The following TLE5 variants were observed in gnomAD, a reference collection of about 807,000 sequenced individuals.
TLE5 encodes TLE family member 5.
Under a neutral mutation model 25.8 loss-of-function variants are expected in TLE5, and 7 were observed. The ratio of observed to expected loss-of-function variants is 0.27; its 90% CI spans 0.15 to 0.51. TLE5 has a LOEUF of 0.51. Ranked by LOEUF, TLE5 falls within the 20% of genes least tolerant of loss-of-function variation. TLE5 has a pLI of 0.97. For synonymous variants in TLE5, 132 were observed against 110.5 expected, an observed-to-expected ratio of 1.20 and a Z score of -1.22; for missense variants, 149 against 250.7, an observed-to-expected ratio of 0.59 and a Z score of 2.74.
In TLE5 at chr19:3,053,811, G is replaced by A. The variant is rs773722139; in HGVS notation, c.*8C>T. ...CCCCCCTCCCAACCTCCCTGTCCCG[G>A]CCCCCTGCTAATCCGACTTCTCGCC... On this transcript the variant is annotated 3_prime_UTR_variant, in exon 7 of 7. Coordinates refer to ENST00000327141, the MANE Select transcript of TLE5 (RefSeq NM_001130.6). 30 of 1,612,150 alleles carry A rather than the reference G, an allele frequency of 1.9e-5. No homozygotes were observed. The East Asian group carries it at 6.0e-4, about 32-fold the overall frequency.
At chr19:3,061,886 T>TG (rs376264879) in intron 1 of TLE5, among the ~76,000 whole-genome samples, 9,423 of 59,678 alleles carry the variant, frequency 0.16, 776 homozygotes, top group Middle Eastern at 0.21. Context: ...CCCGGCGGGT[T>TG]GGGGGGGGGG....
intron 3 of TLE5, 23 bp downstream of exon 3, chr19:3,057,656 A>T: frequency 6.2e-7 from 1 of 1,609,992 alleles, no homozygotes; most frequent in South Asian, 1.1e-5. Flanking sequence ...CCAACACTGG[A>T]CCTGGGGGCG....
chr19:3,057,109 C>G (rs1246031739), intron 3 of TLE5, among the ~76,000 whole-genome samples: 2 of 152,198 alleles, frequency 1.3e-5, no homozygotes, highest in Non-Finnish European at 2.9e-5. Context: ...GAGACCCCAG[C>G]ATCGCTGCTC....
At chr19:3,060,335 T>C (rs952236524) in intron 2 of TLE5, among the ~76,000 whole-genome samples, 60 of 138,988 alleles carry the variant, frequency 4.3e-4, no homozygotes, top group Admixed American at 2.3e-3. Context: ...TTTCTTTTTT[T>C]TTTTTTTTTT....
chr19:3,061,071 A>C (rs1021458678), intron 2 of TLE5, 89 bp downstream of exon 2: 11 of 952,784 alleles, frequency 1.2e-5, no homozygotes, highest in Non-Finnish European at 1.7e-5. Flanking sequence ...TATTTTCCCA[A>C]TCTCCAGGCC....
At chr19:3,062,966 A>T, upstream of TLE5, 18 of 569,878 alleles carry the variant, frequency 3.2e-5, no homozygotes, top group East Asian at 1.9e-4. Context: ...CCGCTGCTCC[A>T]GGGCCCTGGG....
chr19:3,062,638 G>A (rs2090282304), upstream of TLE5: 2 of 1,194,894 alleles, frequency 1.7e-6, no homozygotes, highest in East Asian at 3.5e-5. Context: ...CCCGCCCGCC[G>A]CGGTGACCTT....
At chr19:3,058,597 C>T (rs1392012396) in intron 2 of TLE5, among the ~76,000 whole-genome samples, 4 of 152,274 alleles carry the variant, frequency 2.6e-5, no homozygotes, top group East Asian at 1.9e-4. Flanking sequence ...TGGGACAAAA[C>T]ACACCATTTC....
intron 5 of TLE5, 127 bp downstream of exon 5, chr19:3,055,537 G>T: frequency 2.7e-6 from 2 of 736,754 alleles, no homozygotes; most frequent in South Asian, 5.0e-5. Flanking sequence ...TCAGAGCCAG[G>T]GAGGTCCAGA....
In TLE5 at chr19:3,057,797, C is replaced by T. The variant is rs2090233185; in HGVS notation, c.126-55G>A. The T allele has an allele frequency of 2.9e-5, 44 of 1,539,844 alleles. No individual in the cohort carries two copies. The South Asian group carries it at 4.7e-4, about 17-fold the overall frequency. ...GTTAGTGGCGGCTGGGCGGGAGCCC[C>T]CCACCCTCCGTTATCCAGGGGAGGA... On this transcript the variant is annotated intron_variant, in intron 2 of 6. Coordinates refer to ENST00000327141, the MANE Select transcript of TLE5 (RefSeq NM_001130.6).
intron 2 of TLE5, among the ~76,000 whole-genome samples, chr19:3,059,247 T>A (rs541354020): frequency 1.3e-5 from 2 of 151,896 alleles, no homozygotes; most frequent in East Asian, 3.9e-4. Context: ...CGGGGCTGGG[T>A]GCAGTGGCTC....
At chr19:3,062,510 T>C (rs1363297004), upstream of TLE5, 14 of 623,338 alleles carry the variant, frequency 2.2e-5, no homozygotes, top group Non-Finnish European at 2.8e-5. Context: ...GCGGCTCGGC[T>C]GCTGCGGAGG....
At chr19:3,062,750 C>A, upstream of TLE5, 1 of 1,546,500 alleles carries the variant, frequency 6.5e-7, no homozygotes, top group Non-Finnish European at 8.7e-7. Flanking sequence ...AAAAGGGACC[C>A]GGCTGCCCGC....
intron 4 of TLE5, chr19:3,056,092 C>T (rs1413616778): frequency 1.9e-5 from 9 of 473,794 alleles, no homozygotes; most frequent in Middle Eastern, 5.5e-4. Flanking sequence ...TCCCCACCAC[C>T]GGGAGAAACA....
Position 3,053,503 on chromosome 19 carries a change from T to C in TLE5, c.*316A>G. 1 of 434,370 alleles carries C rather than the reference T, an allele frequency of 2.3e-6. No homozygotes were observed. The highest frequency in any genetic ancestry group is 4.2e-6 in the Non-Finnish European group (1 of 239,986). 26.9% of individuals were successfully genotyped at this position (434,370 alleles called of 1,614,324 possible). A position where few individuals can be genotyped will look rare whatever the true frequency, so the allele number is the denominator to read the frequency against. On this transcript the variant is annotated 3_prime_UTR_variant, in exon 7 of 7. Coordinates refer to ENST00000327141, the MANE Select transcript of TLE5 (RefSeq NM_001130.6). The stretch of plus-strand genomic sequence containing the variant: ...AAAACGGGGGAAGGGCCGGGGCTGC[T>C]GCGCTTCGCGAGGTCTTGCTCCCTT...
intron 2 of TLE5, among the ~76,000 whole-genome samples, chr19:3,060,073 AG>A (rs756339045): frequency 1.3e-5 from 2 of 152,160 alleles, no homozygotes; most frequent in Non-Finnish European, 2.9e-5. Context: ...GGATCCTTCC[AG>A]GAACACTTCT....
chr19:3,061,372 T>G (rs1043038035), intron 1 of TLE5, 115 bp from the exon 2 acceptor site: 58 of 733,314 alleles, frequency 7.9e-5, no homozygotes, highest in Non-Finnish European at 1.3e-4. Context: ...CCCCACTTCC[T>G]GGGCCCGTGT....
chr19:3,062,090 G>A (rs1417912472), intron 1 of TLE5, 84 bp downstream of exon 1: 1 of 740,480 alleles, frequency 1.4e-6, no homozygotes, highest in African/African-American at 1.9e-5. Flanking sequence ...CTGGGGGTTG[G>A]GGGGCGCGGG....
rs960654714 is a variant in TLE5, at chr19:3,060,960, A to T, written c.125+200T>A. The T allele has an allele frequency of 9.6e-6, 4 of 417,950 alleles. No individual in the cohort carries two copies. In the Admixed American group the frequency reaches 1.4e-4, roughly 14 times the overall value. 25.9% of individuals were successfully genotyped at this position (417,950 alleles called of 1,614,324 possible). A position where few individuals can be genotyped will look rare whatever the true frequency, so the allele number is the denominator to read the frequency against. On this transcript the variant is annotated intron_variant, in intron 2 of 6. Transcript: ENST00000327141. ...AGCTGAATCTTTGGGCAAATTATTT[A>T]ACTATTTTTGTGCCTCGGTTTTCTC...
Sources: allele counts gnomAD v4.1 joint callset (sites outside exome capture counted in the v4.1 genomes callset), GRCh38; gene constraint gnomAD v4.1.1; transcripts MANE v1.5; gene names NCBI Gene and HGNC (gene_info 2026-07-23, HGNC 2026-07-21).